Variants in ALOXE3 observed in about 807,000 individuals in gnomAD.
ALOXE3 encodes the protein hydroperoxide isomerase ALOXE3.
A neutral mutation model predicts 87.5 loss-of-function variants in ALOXE3; 78 were observed. The observed-to-expected ratio is 0.89, with a 90% CI of 0.74 to 1.08. ALOXE3 has a LOEUF of 1.08. Ranked by LOEUF, ALOXE3 falls within the 50% of genes least tolerant of loss-of-function variation. The pLI, the probability that ALOXE3 is intolerant of heterozygous loss-of-function variation, is 0.00. For synonymous variants in ALOXE3, 363 were observed against 370.8 expected (o/e 0.98, Z 0.24); for missense variants, 946 against 912.4 (o/e 1.04, Z -0.47).
chr17:8,118,595 T>C (rs1480702291), upstream of ALOXE3: 6 of 1,532,302 alleles, frequency 3.9e-6, no homozygotes, highest in Non-Finnish European at 5.2e-6. Context: ...CGCACACGCA[T>C]TCCAGCACAT....
intron 14 of ALOXE3, 63 bp from the exon 15 acceptor site, chr17:8,103,556 A>C: frequency 6.4e-7 from 1 of 1,556,318 alleles, no homozygotes; most frequent in South Asian, 1.1e-5. Flanking sequence ...CTCCCTCTTC[A>C]CCATCCCTGA....
At chr17:8,117,046 C>G in intron 2 of ALOXE3, 66 bp from the exon 3 acceptor site, 35 of 1,415,876 alleles carry the variant, frequency 2.5e-5, no homozygotes, top group Non-Finnish European at 3.4e-5. Context: ...TTGCGCCTTG[C>G]AAGATGCATC....
intron 1 of ALOXE3, 83 bp downstream of exon 1, chr17:8,118,403 C>T (rs1479127699): frequency 6.4e-7 from 1 of 1,550,998 alleles, no homozygotes; most frequent in East Asian, 2.4e-5. Context: ...GGACTGATGC[C>T]CTGGAGTGCT....
chr17:8,113,439 G>A (rs554505347), intron 6 of ALOXE3, among the ~76,000 whole-genome samples: 1 of 152,276 alleles, frequency 6.6e-6, no homozygotes, highest in East Asian at 1.9e-4. Flanking sequence ...GATCACCTGA[G>A]GTCAGGAGTT....
chr17:8,101,305 G>T (rs1978909719), intron 15 of ALOXE3, among the ~76,000 whole-genome samples: 1 of 152,200 alleles, frequency 6.6e-6, no homozygotes, highest in Admixed American at 6.5e-5. Flanking sequence ...TGGGATTACA[G>T]GCGTGAGCCA....
chr17:8,112,335 G>T lies in ALOXE3; in HGVS notation c.681-139C>A, dbSNP rs553897893. On this transcript the variant is annotated intron_variant, in intron 6 of 15. Transcript: ENST00000448843. The stretch of plus-strand genomic sequence containing the variant: ...CCTAACAATCCACATGGGAGAAAAA[G>T]TCTAGTACCCGGTGGAGGCTCTGTG... 70 of 684,414 alleles carry T rather than the reference G, an allele frequency of 1.0e-4. No individual in the cohort carries two copies. The East Asian group carries it at 1.1e-3, about 11-fold the overall frequency. The allele number at this position is 684,414 out of a possible 1,614,324, so 42.4% of individuals were successfully genotyped here.
rs1384468018 is a variant in ALOXE3, at chr17:8,096,145, AC to A, written c.*481del. ...AGGGACAAAGGGGACCACATGTTAGACCCAGGCACACAGTCCTTCTGTGCCC... is the reference window on the plus strand; with the variant it reads ...AGGGACAAAGGGGACCACATGTTAGACCAGGCACACAGTCCTTCTGTGCCC... On this transcript the variant is annotated 3_prime_UTR_variant, in exon 16 of 16. Coordinates refer to ENST00000448843, the MANE Select transcript of ALOXE3 (RefSeq NM_021628.3). 5.9e-6 allele frequency: 1 copy of A among 169,874 alleles called. No individual in the cohort carries two copies. The highest frequency in any genetic ancestry group is 1.6e-4 in the East Asian group (1 of 6,234). The allele number at this position is 169,874 out of a possible 1,614,324, so 10.5% of individuals were successfully genotyped here.
In ALOXE3 at chr17:8,115,044, C is replaced by T; in HGVS notation, c.448G>A (p.Ala150Thr). Residue 150 changes from alanine to threonine, a missense_variant, in exon 5 of 16, where the codon GCC becomes ACC. Physicochemically the swap from Ala to Thr is moderately conservative, Grantham distance 58. Coordinates refer to ENST00000448843, the MANE Select transcript of ALOXE3 (RefSeq NM_021628.3). Reference sequence around the variant, plus strand: ...TCTACCATGCAGGGGAAGCCAGGGGCATAGATCTTCCAGCTTCCGAGGGAA... The same window carrying T: ...TCTACCATGCAGGGGAAGCCAGGGGTATAGATCTTCCAGCTTCCGAGGGAA... The part of the protein sequence containing the change: ...RQECYRWKIY[A>T]PGFPCMVDVN... 1 of 1,614,164 alleles carries T rather than the reference C, an allele frequency of 6.2e-7. No individual in the cohort carries two copies. The highest frequency in any genetic ancestry group is 1.1e-5 in the South Asian group (1 of 91,078).
intron 7 of ALOXE3, among the ~76,000 whole-genome samples, chr17:8,111,887 CCT>C (rs1420080690): frequency 1.3e-5 from 2 of 152,092 alleles, no homozygotes; most frequent in Admixed American, 6.5e-5. Context: ...TCCTGAATCC[CCT>C]GTTTTTGTCC....
chr17:8,099,429 A>C (rs1978780974), intron 15 of ALOXE3, among the ~76,000 whole-genome samples: 1 of 152,058 alleles, frequency 6.6e-6, no homozygotes, highest in African/African-American at 2.4e-5. Flanking sequence ...TGGAAGCCTG[A>C]GATGGGTGGA....
chr17:8,100,835 C>G (rs1978878964), intron 15 of ALOXE3, among the ~76,000 whole-genome samples: 1 of 152,126 alleles, frequency 6.6e-6, no homozygotes, highest in Non-Finnish European at 1.5e-5. Flanking sequence ...ACAGAACACA[C>G]ACACACACCA....
At position 8,110,394 on chromosome 17, in the gene ALOXE3, C is replaced by T. The variant is rs1024318066; in HGVS notation, c.1092G>A (p.Leu364=). Residue 364 remains leucine (L), a synonymous_variant, in exon 9 of 16, where the codon TTG becomes TTA. Transcript: ENST00000448843. ...WLSPQGALVP[L]AIQLSQTPGP... ...GCGGCGCCGGGCTCACCTGGATGGCCAAGGGCACCAGCGCCCCCTGGGGGC... is the reference window on the plus strand; with the variant it reads ...GCGGCGCCGGGCTCACCTGGATGGCTAAGGGCACCAGCGCCCCCTGGGGGC... 6.2e-7 allele frequency: 1 copy of T among 1,607,620 alleles called. No individual in the cohort carries two copies. Among genetic ancestry groups the T allele is most frequent in the African/African-American group, 1.3e-5 (1 of 74,782 alleles).
intron 8 of ALOXE3, among the ~76,000 whole-genome samples, chr17:8,110,773 T>C (rs1042407087): frequency 2.0e-5 from 3 of 152,166 alleles, no homozygotes; most frequent in Admixed American, 6.5e-5. Flanking sequence ...CGTCCTCTCC[T>C]CCTCACCTCA....
In ALOXE3 at chr17:8,110,213, A is replaced by T; in HGVS notation, c.1184T>A (p.Val395Glu). 4 of 1,614,096 alleles carry T rather than the reference A, an allele frequency of 2.5e-6. No individual in the cohort carries two copies. The highest frequency in any genetic ancestry group is 3.4e-6 in the Non-Finnish European group (4 of 1,179,954). ...GTGCACCAGGAACTCAGAGTTGCGC[A>T]CCCACGTCTTGGCCAGCAGCCAGTC... ...EWDWLLAKTWVRNSEFLVHEN... is the reference protein window; with the variant it reads ...EWDWLLAKTWERNSEFLVHEN... Residue 395 changes from valine (V) to glutamate (E), a missense_variant, in exon 10 of 16, where the codon GTG becomes GAG. Physicochemically the swap from Val to Glu is moderately radical, Grantham distance 121 (BLOSUM62 -2). Transcript: ENST00000448843.
intron 9 of ALOXE3, 43 bp downstream of exon 9, chr17:8,110,342 T>TAGCACCTG (rs762647143): frequency 6.2e-7 from 1 of 1,609,970 alleles, no homozygotes; most frequent in East Asian, 2.2e-5. Flanking sequence ...GGCTGGCGGT[T>TAGCACCTG]AGCACCTGAG....
chr17:8,109,902 C>T lies in ALOXE3; in HGVS notation c.1392+14G>A. Reference sequence around the variant, plus strand: ...TCGGGGGCGGAGATCAGTGACCCGGCAGGGAGGCCGCACCTGGTCCACGAG... The same window carrying T: ...TCGGGGGCGGAGATCAGTGACCCGGTAGGGAGGCCGCACCTGGTCCACGAG... On this transcript the variant is annotated intron_variant, in intron 11 of 15. Coordinates refer to ENST00000448843, the MANE Select transcript of ALOXE3 (RefSeq NM_021628.3). 1 of 1,547,886 alleles carries T rather than the reference C, an allele frequency of 6.5e-7. No individual in the cohort carries two copies.
At chr17:8,109,050 C>T (rs1297193431) in intron 12 of ALOXE3, 124 bp downstream of exon 12, 2 of 1,431,898 alleles carry the variant, frequency 1.4e-6, no homozygotes, top group Non-Finnish European at 1.9e-6. Flanking sequence ...TTCATACCCT[C>T]AAGAATTCCC....
chr17:8,106,846 C>A (rs7215658), intron 13 of ALOXE3, among the ~76,000 whole-genome samples: 109,368 of 151,668 alleles, frequency 0.72, 39,867 homozygotes, highest in Non-Finnish European at 0.78. Flanking sequence ...TGTCAATCTG[C>A]AGAATGTTCT....
rs1978515442 is a variant in ALOXE3, at chr17:8,095,931, T to G, written c.*696A>C. ...CCAAATATTTTGGTTTTTATTGAAC[T>G]CACTGGGCTCAAGGACAGAAAGAAA... On this transcript the variant is annotated 3_prime_UTR_variant, in exon 16 of 16. Transcript: ENST00000448843. 1 of 152,080 alleles carries G rather than the reference T, an allele frequency of 6.6e-6. No homozygotes were observed. The highest frequency in any genetic ancestry group is 2.4e-5 in the African/African-American group (1 of 41,342). The allele number at this position is 152,080 out of a possible 1,614,324, so 9.4% of individuals were successfully genotyped here.
Sources: allele counts gnomAD v4.1 joint callset (sites outside exome capture counted in the v4.1 genomes callset), GRCh38; gene constraint gnomAD v4.1.1; transcripts MANE v1.5; gene names NCBI Gene and HGNC (gene_info 2026-07-23, HGNC 2026-07-21).